USP10: variants seen among roughly 807,000 people sequenced by gnomAD.
USP10 encodes ubiquitin specific peptidase 10, also known as ubiquitin carboxyl-terminal hydrolase 10.
In USP10, 22 loss-of-function variants were observed where a neutral mutation model predicts 84.5. The ratio of observed to expected loss-of-function variants is 0.26; its 90% CI spans 0.19 to 0.37. The LOEUF (loss-of-function observed/expected upper bound fraction) is 0.37. USP10 is among the 10% of genes least tolerant of loss of function. The pLI is 1.00. For synonymous variants in USP10, 454 were observed against 387.6 expected, an observed-to-expected ratio of 1.17 and a Z score of -2.01; for missense variants, 1,019 against 998.9, an observed-to-expected ratio of 1.02 and a Z score of -0.27.
At chr16:84,761,652 A>G (rs894247878) in intron 8 of USP10, among the ~76,000 whole-genome samples, 1 of 152,274 alleles carries the variant, frequency 6.6e-6, no homozygotes, top group Non-Finnish European at 1.5e-5. Flanking sequence ...GGCTGGTCCC[A>G]TAGGTACCAT....
At chr16:84,734,151 T>C (rs574069410) in intron 2 of USP10, among the ~76,000 whole-genome samples, 2 of 152,328 alleles carry the variant, frequency 1.3e-5, no homozygotes, top group South Asian at 4.1e-4. Flanking sequence ...ATGGAATTAC[T>C]GGGTTCTGTG....
At chr16:84,737,266 A>T (rs1910058794) in intron 2 of USP10, among the ~76,000 whole-genome samples, 1 of 152,234 alleles carries the variant, frequency 6.6e-6, no homozygotes, top group Non-Finnish European at 1.5e-5. Context: ...CTGTGCGTTT[A>T]GCATAACTAT....
chr16:84,700,311 C>T (rs1263446477), intron 1 of USP10, among the ~76,000 whole-genome samples, 200 bp downstream of exon 1: 1 of 151,384 alleles, frequency 6.6e-6, no homozygotes, highest in Non-Finnish European at 1.5e-5. Context: ...GCCACCCGGA[C>T]CCCCTAGTCC....
At chr16:84,720,773 G>A (rs913392810) in intron 1 of USP10, among the ~76,000 whole-genome samples, 2 of 151,184 alleles carry the variant, frequency 1.3e-5, no homozygotes, top group African/African-American at 2.4e-5. Context: ...TAATAGAGAC[G>A]GGGTTTCACC....
intron 2 of USP10, among the ~76,000 whole-genome samples, chr16:84,736,011 T>G (rs1247498282): frequency 2.0e-5 from 3 of 150,988 alleles, no homozygotes; most frequent in Admixed American, 6.6e-5. Context: ...GACCTGTGGG[T>G]GTGTGAGTGG....
intron 1 of USP10, chr16:84,733,101 G>C (rs1288368248): frequency 4.3e-6 from 2 of 467,582 alleles, no homozygotes; most frequent in Non-Finnish European, 8.5e-6. Flanking sequence ...TGAGTCAGCA[G>C]AAAGGTAAAT....
At chr16:84,703,876 C>T (rs1400562498) in intron 1 of USP10, among the ~76,000 whole-genome samples, 6 of 152,168 alleles carry the variant, frequency 3.9e-5, no homozygotes, top group Non-Finnish European at 5.9e-5. Flanking sequence ...CACTGAAATT[C>T]CAGTGAATAC....
intron 13 of USP10, among the ~76,000 whole-genome samples, chr16:84,777,235 T>C (rs1915116215): frequency 6.6e-6 from 1 of 152,218 alleles, no homozygotes; most frequent in Non-Finnish European, 1.5e-5. Context: ...GGTAGTTAAC[T>C]GGGCTGCTGC....
intron 1 of USP10, among the ~76,000 whole-genome samples, chr16:84,722,824 G>A (rs1907982269): frequency 6.6e-6 from 1 of 152,148 alleles, no homozygotes; most frequent in South Asian, 2.1e-4. Flanking sequence ...CCAAAGTGCT[G>A]GGATTACAGG....
intron 1 of USP10, among the ~76,000 whole-genome samples, chr16:84,722,977 T>C (rs1238271896): frequency 6.6e-6 from 1 of 152,176 alleles, no homozygotes; most frequent in Non-Finnish European, 1.5e-5. Context: ...TAGTGAAATG[T>C]GCCCAGAAAG....
intron 2 of USP10, among the ~76,000 whole-genome samples, chr16:84,734,706 A>T (rs1909667440): frequency 1.3e-5 from 2 of 152,208 alleles, no homozygotes; most frequent in African/African-American, 4.8e-5. Flanking sequence ...ATCTTTAGGA[A>T]ATTCTTCCCA....
chr16:84,750,485 G>C (rs1911800339), intron 4 of USP10, among the ~76,000 whole-genome samples: 1 of 152,076 alleles, frequency 6.6e-6, no homozygotes, highest in African/African-American at 2.4e-5. Context: ...TTAAGAGTGA[G>C]TATGGCAGAC....
intron 1 of USP10, among the ~76,000 whole-genome samples, chr16:84,700,811 C>T (rs937444642): frequency 2.6e-5 from 4 of 152,110 alleles, no homozygotes; most frequent in African/African-American, 9.7e-5. Context: ...AGCTTGGGGG[C>T]CCTTTACAAT....
rs570988892 is a variant in USP10, at chr16:84,755,776, C to T, written c.1193-2940C>T. ...TGGTGCCACTGCATTCCAGCCTGGGCGGCAGAGTGAGACTGTCTCAAAAAA... is the reference window on the plus strand; with the variant it reads ...TGGTGCCACTGCATTCCAGCCTGGGTGGCAGAGTGAGACTGTCTCAAAAAA... On this transcript the variant is annotated intron_variant, in intron 4 of 13. Transcript: ENST00000219473. 1.9e-4 allele frequency among the ~76,000 whole-genome samples: 25 copies of T among 134,572 alleles called. 2 individuals are homozygous for T. The South Asian group carries it at 4.8e-3, about 26-fold the overall frequency. The allele number at this position is 134,572 out of a possible 152,430, so 88.3% of individuals were successfully genotyped here.
At chr16:84,759,642 A>C (rs557388361) in intron 6 of USP10, among the ~76,000 whole-genome samples, 170 bp downstream of exon 6, 1 of 152,288 alleles carries the variant, frequency 6.6e-6, no homozygotes, top group East Asian at 1.9e-4. Context: ...CCAGAAATGG[A>C]ATTGGAGCAT....
intron 2 of USP10, among the ~76,000 whole-genome samples, chr16:84,735,113 A>AC (rs1402475013): frequency 6.7e-6 from 1 of 148,476 alleles, no homozygotes; most frequent in Non-Finnish European, 1.5e-5. Flanking sequence ...TGCAACTTTG[A>AC]CCCCCCGCCC....
intron 4 of USP10, among the ~76,000 whole-genome samples, chr16:84,752,872 T>A (rs1912097132): frequency 6.6e-6 from 1 of 152,264 alleles, no homozygotes; most frequent in South Asian, 2.1e-4. Flanking sequence ...GTTTCTTGAG[T>A]GTTTGGATCT....
rs1910481160 is a variant in USP10 at position 84,740,352 on chromosome 16, T to A, written c.134T>A (p.Val45Glu). The A allele has an allele frequency of 6.2e-7, 1 of 1,613,088 alleles. No individual in the cohort carries two copies. Reference sequence around the variant, plus strand: ...ACAGTTCTGTGTGGCACACAGGCTGTGGATAAACTACCTGATGGTAAGCTA... The same window carrying A: ...ACAGTTCTGTGTGGCACACAGGCTGAGGATAAACTACCTGATGGTAAGCTA... ...SGTVLCGTQA[V>E]DKLPDGQEYQ... Residue 45 changes from valine to glutamate, a missense_variant, in exon 3 of 14, where the codon GTG becomes GAG. Physicochemically the swap from Val to Glu is moderately radical, Grantham distance 121. Transcript: ENST00000219473.
At chr16:84,750,106 A>T (rs990586713) in intron 4 of USP10, among the ~76,000 whole-genome samples, 1 of 152,146 alleles carries the variant, frequency 6.6e-6, no homozygotes, top group Non-Finnish European at 1.5e-5. Flanking sequence ...AGTAGGAGTC[A>T]ACAAAAGGAA....
Sources: gnomAD v4.1 joint callset for allele counts (sites outside exome capture counted in the v4.1 genomes callset) on GRCh38, gnomAD v4.1.1 for gene constraint, MANE v1.5 for transcripts, NCBI Gene and HGNC (gene_info 2026-07-23, HGNC 2026-07-21) for gene names.